WDR70: variants seen among roughly 807,000 people sequenced by gnomAD.
WDR70 encodes WD repeat-containing protein 70.
In WDR70, 53 loss-of-function variants were observed where a neutral mutation model predicts 88.6. That is an observed-to-expected ratio of 0.60 (90% CI 0.48 to 0.75). The LOEUF (loss-of-function observed/expected upper bound fraction) is 0.75. WDR70 is among the 30% of genes least tolerant of loss of function. The pLI is 0.00. For synonymous variants in WDR70, 280 were observed against 270.0 expected, an observed-to-expected ratio of 1.04 and a Z score of -0.36; for missense variants, 610 against 823.2, an observed-to-expected ratio of 0.74 and a Z score of 3.17.
chr5:37,525,808 C>T (rs182958618), intron 9 of WDR70, among the ~76,000 whole-genome samples: 2 of 152,042 alleles, frequency 1.3e-5, no homozygotes, highest in African/African-American at 2.4e-5. Flanking sequence ...GATATCACCA[C>T]CGATCTCACA....
At chr5:37,527,713 A>G (rs1275823038) in intron 9 of WDR70, among the ~76,000 whole-genome samples, 1 of 152,220 alleles carries the variant, frequency 6.6e-6, no homozygotes, top group East Asian at 1.9e-4. Context: ...AAATGGGAGA[A>G]AATTTTTGCA....
At chr5:37,390,497 G>T (rs980122041) in intron 3 of WDR70, among the ~76,000 whole-genome samples, 36 of 151,762 alleles carry the variant, frequency 2.4e-4, no homozygotes, top group African/African-American at 8.4e-4. Flanking sequence ...CGGCCACTAC[G>T]CCTGGCTAAT....
chr5:37,462,622 C>G (rs1164027193), intron 7 of WDR70, among the ~76,000 whole-genome samples: 2 of 152,050 alleles, frequency 1.3e-5, no homozygotes, highest in Admixed American at 6.6e-5. Flanking sequence ...ATTTGTAAGT[C>G]TTGAGTATTT....
At chr5:37,631,021 A>T (rs936051340) in intron 10 of WDR70, among the ~76,000 whole-genome samples, 3 of 152,098 alleles carry the variant, frequency 2.0e-5, no homozygotes, top group African/African-American at 2.4e-5. Flanking sequence ...TATTCTGCTT[A>T]CCTTTTTCCC....
At chr5:37,462,617 T>C (rs982293710) in intron 7 of WDR70, among the ~76,000 whole-genome samples, 9 of 152,276 alleles carry the variant, frequency 5.9e-5, no homozygotes, top group South Asian at 2.1e-4. Context: ...CCTTAATTTG[T>C]AAGTCTTGAG....
intron 5 of WDR70, among the ~76,000 whole-genome samples, chr5:37,400,883 T>C (rs1749169356): frequency 6.6e-6 from 1 of 152,184 alleles, no homozygotes; most frequent in Non-Finnish European, 1.5e-5. Flanking sequence ...GATTAGTGCA[T>C]GGCTGAGTTT....
In WDR70 at chr5:37,583,111, A is replaced by G. The variant is rs189137187; in HGVS notation, c.918-21953A>G. 2.6e-5 allele frequency among the ~76,000 whole-genome samples: 4 copies of G among 152,228 alleles called. No homozygotes were observed. In the East Asian group the frequency reaches 7.7e-4, roughly 29 times the overall value. ...AGTTCTTCCGCCCGTACACATAGAA[A>G]ATGTATCCCCCTAGAGTTATTTAAG... On this transcript the variant is annotated intron_variant, in intron 9 of 17. Coordinates refer to ENST00000265107, the MANE Select transcript of WDR70 (RefSeq NM_018034.4).
At chr5:37,382,852 A>T (rs1748473528) in intron 3 of WDR70, among the ~76,000 whole-genome samples, 1 of 152,032 alleles carries the variant, frequency 6.6e-6, no homozygotes, top group African/African-American at 2.4e-5. Context: ...GTCTTGACTG[A>T]AAATAGAAAA....
intron 10 of WDR70, among the ~76,000 whole-genome samples, chr5:37,682,558 G>C (rs2112620448): frequency 6.6e-6 from 1 of 151,992 alleles, no homozygotes; most frequent in South Asian, 2.1e-4. Context: ...TTTTAATGTG[G>C]GTGTTTAGCG....
intron 8 of WDR70, among the ~76,000 whole-genome samples, chr5:37,514,356 A>ATGTATGTATG: frequency 1.8e-5 from 1 of 54,424 alleles, no homozygotes; most frequent in African/African-American, 3.9e-5. Context: ...ATATATATAT[A>ATGTATGTATG]TATGTATGTA....
intron 13 of WDR70, 105 bp downstream of exon 13, chr5:37,703,192 G>A (rs1479264941): frequency 7.3e-7 from 1 of 1,378,192 alleles, no homozygotes; most frequent in Non-Finnish European, 9.9e-7. Context: ...GGCCCTTAGA[G>A]CACGGTGATA....
chr5:37,706,164 C>T (rs568347934), intron 13 of WDR70, among the ~76,000 whole-genome samples: 70 of 152,238 alleles, frequency 4.6e-4, no homozygotes, highest in African/African-American at 1.5e-3. Context: ...TGTTTTAATT[C>T]TGTTCTCTGC....
intron 9 of WDR70, among the ~76,000 whole-genome samples, chr5:37,545,730 G>T (rs1391182782): frequency 6.6e-6 from 1 of 151,930 alleles, no homozygotes; most frequent in East Asian, 1.9e-4. Flanking sequence ...CACCATGTTG[G>T]CCAGGCTGTT....
intron 10 of WDR70, among the ~76,000 whole-genome samples, chr5:37,646,125 C>T (rs1335621635): frequency 6.6e-6 from 1 of 151,120 alleles, no homozygotes; most frequent in Non-Finnish European, 1.5e-5. Context: ...TTTTGTGTAT[C>T]CATTGTATGT....
chr5:37,747,181 T>C (rs1292785430), intron 17 of WDR70, among the ~76,000 whole-genome samples: 3 of 151,488 alleles, frequency 2.0e-5, no homozygotes, highest in African/African-American at 7.3e-5. Context: ...AAAAACATAT[T>C]TACAAGAAAA....
intron 9 of WDR70, among the ~76,000 whole-genome samples, chr5:37,529,812 A>T (rs1242489024): frequency 6.6e-6 from 1 of 152,004 alleles, no homozygotes; most frequent in African/African-American, 2.4e-5. Context: ...GGATGCCTTG[A>T]TTTCTTTCTC....
intron 9 of WDR70, among the ~76,000 whole-genome samples, chr5:37,548,268 G>A (rs956636854): frequency 2.6e-5 from 4 of 152,112 alleles, no homozygotes; most frequent in Non-Finnish European, 5.9e-5. Context: ...CCCAACATTA[G>A]TATGAGGGTT....
intron 9 of WDR70, among the ~76,000 whole-genome samples, chr5:37,522,545 C>T (rs1464223398): frequency 1.3e-5 from 2 of 151,740 alleles, no homozygotes; most frequent in Non-Finnish European, 2.9e-5. Flanking sequence ...TTACAGCTCC[C>T]AGTGTGAGTG....
In WDR70 at chr5:37,499,587, T is replaced by TTTTCTCTCTCTC. The variant is rs1554144047; in HGVS notation, c.841-16926_841-16925insTTCTCTCTCTCT. ...TTTTTAAATATGTGATTTGGAAATA[T>TTTTCTCTCTCTC]TCTCTCTCTCTCTCTCTCTCTCTCT... On this transcript the variant is annotated intron_variant, in intron 8 of 17. Coordinates refer to ENST00000265107, the MANE Select transcript of WDR70 (RefSeq NM_018034.4). 9.8e-3 allele frequency among the ~76,000 whole-genome samples: 408 copies of TTTTCTCTCTCTC among 41,812 alleles called. 18 individuals are homozygous for TTTTCTCTCTCTC. Among genetic ancestry groups the TTTTCTCTCTCTC allele is most frequent in the Middle Eastern group, 0.036 (2 of 56 alleles). 27.4% of individuals were successfully genotyped at this position (41,812 alleles called of 152,430 possible).
Sources: allele counts gnomAD v4.1 joint callset (sites outside exome capture counted in the v4.1 genomes callset), GRCh38; gene constraint gnomAD v4.1.1; transcripts MANE v1.5; gene names NCBI Gene and HGNC (gene_info 2026-07-23, HGNC 2026-07-21).